CBY2: variants seen among roughly 807,000 people sequenced by gnomAD.
The protein encoded by CBY2 is protein chibby homolog 2.
In CBY2, 23 loss-of-function variants were observed where a neutral mutation model predicts 25.3. The ratio of observed to expected loss-of-function variants is 0.91; its 90% CI spans 0.65 to 1.29. CBY2 has a LOEUF of 1.29. CBY2 is among the 50% of genes most tolerant of loss of function. CBY2 has a pLI of 0.00. For synonymous variants in CBY2, 279 were observed against 260.2 expected (o/e 1.07, Z -0.70); for missense variants, 642 against 590.7 (o/e 1.09, Z -0.90).
At chr13:45,703,023 T>C (rs1240466265) in intron 2 of CBY2, 168 bp downstream of exon 2, 49 of 1,178,312 alleles carry the variant, frequency 4.2e-5, no homozygotes, top group Non-Finnish European at 4.6e-5. Flanking sequence ...GAAGGCCACA[T>C]AGCCCCTCTG....
intron 2 of CBY2, among the ~76,000 whole-genome samples, chr13:45,711,010 C>T (rs1393720761): frequency 1.3e-5 from 2 of 152,034 alleles, no homozygotes; most frequent in Admixed American, 6.5e-5. Flanking sequence ...TCTATCTGTA[C>T]GGTTGTGAAA....
At position 45,704,106 on chromosome 13, in the gene CBY2, G is replaced by A. The variant is rs1351146999; in HGVS notation, c.156+1251G>A. On this transcript the variant is annotated intron_variant, in intron 2 of 2. Coordinates refer to ENST00000310521, the MANE Select transcript of CBY2 (RefSeq NM_152719.3). The surrounding 1 kb of genome is among the most constrained non-coding windows in gnomAD (Gnocchi z 4.1). ...TGTTTAAGAAACTTGGTCAGGCAGA[G>A]GATGCCAACCTAGGGGTGGGTGTGA... Among the ~76,000 whole-genome samples, 1 of 152,162 alleles carries A rather than the reference G, an allele frequency of 6.6e-6. No individual in the cohort carries two copies. The highest frequency in any genetic ancestry group is 1.5e-5 in the Non-Finnish European group (1 of 68,026).
chr13:45,702,585 T>G, intron 1 of CBY2, 120 bp downstream of exon 1: 1 of 961,532 alleles, frequency 1.0e-6, no homozygotes, highest in Non-Finnish European at 1.7e-6. Flanking sequence ...GCTTAATATC[T>G]GTTCAGAGAT....
At chr13:45,711,786 G>A (rs75580578) in intron 2 of CBY2, among the ~76,000 whole-genome samples, 3,225 of 152,246 alleles carry the variant, frequency 0.021, 71 homozygotes, top group Middle Eastern at 0.078. Flanking sequence ...TCTGAGCCCC[G>A]TTTTATGCTG....
chr13:45,702,621 T>A, intron 1 of CBY2, 154 bp from the exon 2 acceptor site: 1 of 849,956 alleles, frequency 1.2e-6, no homozygotes, highest in Non-Finnish European at 1.9e-6. Context: ...CCAGATATCA[T>A]CTACACGTTC....
intron 2 of CBY2, among the ~76,000 whole-genome samples, chr13:45,712,536 C>T (rs749965214): frequency 3.3e-5 from 5 of 152,178 alleles, no homozygotes; most frequent in African/African-American, 1.2e-4. Context: ...CAGACATGCA[C>T]GGAGAGGTGA....
At chr13:45,707,046 C>G (rs747274921) in intron 2 of CBY2, among the ~76,000 whole-genome samples, 10 of 152,126 alleles carry the variant, frequency 6.6e-5, no homozygotes, top group Non-Finnish European at 7.4e-5. Context: ...CTGGCAACCC[C>G]AGGAAGTAGG....
rs1950231349 is a variant in CBY2 at position 45,704,857 on chromosome 13, C to T, written c.156+2002C>T. Among the ~76,000 whole-genome samples the T allele has an allele frequency of 6.6e-6, 1 of 152,234 alleles. No individual in the cohort carries two copies. Among genetic ancestry groups the T allele is most frequent in the Admixed American group, 6.5e-5 (1 of 15,286 alleles). ...AGCTGGGCCATGCTGCATCTTAGCTCCATGGTTCTTCTCTTGCTTTTTGGA... is the reference window on the plus strand; with the variant it reads ...AGCTGGGCCATGCTGCATCTTAGCTTCATGGTTCTTCTCTTGCTTTTTGGA... On this transcript the variant is annotated intron_variant, in intron 2 of 2. Coordinates refer to ENST00000310521, the MANE Select transcript of CBY2 (RefSeq NM_152719.3). The surrounding 1 kb of genome is among the most constrained non-coding windows in gnomAD (Gnocchi z 4.1).
At chr13:45,706,063 C>A (rs997869223) in intron 2 of CBY2, among the ~76,000 whole-genome samples, 1 of 152,224 alleles carries the variant, frequency 6.6e-6, no homozygotes, top group Non-Finnish European at 1.5e-5. Flanking sequence ...AATTCTATCC[C>A]AGAAGGTCCC....
In CBY2 at chr13:45,714,397, C is replaced by T. The variant is rs745432019; in HGVS notation, c.*25C>T. Reference sequence around the variant, plus strand: ...AGGCCTCGGCCTTGCACCGGGACGCCGAGTTTGGGACACCGAACACTGGGC... The same window carrying T: ...AGGCCTCGGCCTTGCACCGGGACGCTGAGTTTGGGACACCGAACACTGGGC... On this transcript the variant is annotated 3_prime_UTR_variant, in exon 3 of 3. Coordinates refer to ENST00000310521, the MANE Select transcript of CBY2 (RefSeq NM_152719.3). 11 of 1,535,680 alleles carry T rather than the reference C, an allele frequency of 7.2e-6. No homozygotes were observed. The highest frequency in any genetic ancestry group is 1.4e-5 in the African/African-American group (1 of 73,090).
chr13:45,710,886 T>A (rs920853124), intron 2 of CBY2, among the ~76,000 whole-genome samples: 2 of 152,254 alleles, frequency 1.3e-5, no homozygotes, highest in Non-Finnish European at 2.9e-5. Context: ...TCTAGCTCTT[T>A]AAGTTTTAAA....
intron 2 of CBY2, among the ~76,000 whole-genome samples, chr13:45,707,917 G>C (rs959128271): frequency 2.0e-5 from 3 of 152,166 alleles, no homozygotes; most frequent in African/African-American, 7.2e-5. Context: ...TAGTCACTCA[G>C]TGTTATTTTT....
At chr13:45,712,579 CAA>C (rs1322022537) in intron 2 of CBY2, among the ~76,000 whole-genome samples, 2 of 152,134 alleles carry the variant, frequency 1.3e-5, no homozygotes, top group Admixed American at 1.3e-4. Context: ...AGTCCCCAGC[CAA>C]GGAGCCTTCT....
At position 45,704,996 on chromosome 13, in the gene CBY2, A is replaced by G. The variant is rs1950232158; in HGVS notation, c.156+2141A>G. Among the ~76,000 whole-genome samples, 1 of 152,164 alleles carries G rather than the reference A, an allele frequency of 6.6e-6. No homozygotes were observed. Among genetic ancestry groups the G allele is most frequent in the Admixed American group, 6.5e-5 (1 of 15,286 alleles). On this transcript the variant is annotated intron_variant, in intron 2 of 2. Transcript: ENST00000310521. This position sits in a 1 kb window ranked among gnomAD's most constrained non-coding sequence, Gnocchi z 4.1. ...CCACTTTCCATTTGTTTCAGAAAGGACTTGTGGCAGCAGCTCTGTCTCCAG... is the reference window on the plus strand; with the variant it reads ...CCACTTTCCATTTGTTTCAGAAAGGGCTTGTGGCAGCAGCTCTGTCTCCAG...
In CBY2 at chr13:45,713,213, A is replaced by C; in HGVS notation, c.188A>C (p.His63Pro). Residue 63 changes from histidine (H) to proline (P), a missense_variant, in exon 3 of 3, where the codon CAC becomes CCC. Coordinates refer to ENST00000310521, the MANE Select transcript of CBY2 (RefSeq NM_152719.3). This position sits in a 1 kb window ranked among gnomAD's most constrained non-coding sequence, Gnocchi z 5.0. ...ACAGCCGAACCCTTCCCGAGGCTCC[A>C]CAACTTGTACAGCACCCCTCGCTGC... Reference protein sequence around the residue: ...RGTAEPFPRLHNLYSTPRCAQ... With the variant: ...RGTAEPFPRLPNLYSTPRCAQ... 1 of 1,613,132 alleles carries C rather than the reference A, an allele frequency of 6.2e-7. No individual in the cohort carries two copies. Among genetic ancestry groups the C allele is most frequent in the Non-Finnish European group, 8.5e-7 (1 of 1,179,626 alleles).
intron 2 of CBY2, among the ~76,000 whole-genome samples, chr13:45,703,782 G>C (rs966592341): frequency 1.3e-5 from 2 of 152,148 alleles, no homozygotes; most frequent in African/African-American, 2.4e-5. Context: ...TCACTTTTCT[G>C]TTACTTTTAG....
chr13:45,713,955 G>A lies in CBY2; in HGVS notation c.930G>A (p.Glu310=), dbSNP rs775866175. The A allele has an allele frequency of 2.6e-6, 4 of 1,524,736 alleles. No individual in the cohort carries two copies. In the South Asian group the frequency reaches 3.6e-5, roughly 14 times the overall value. 94.5% of individuals were successfully genotyped at this position (1,524,736 alleles called of 1,614,324 possible). Reference sequence around the variant, plus strand: ...CCGGCCTCTCCTCCCGCTTCGAGGAGCCCAAAGGGCCTCCGGCCCGGCAGG... The same window carrying A: ...CCGGCCTCTCCTCCCGCTTCGAGGAACCCAAAGGGCCTCCGGCCCGGCAGG... ...QGSGLSSRFE[E]PKGPPARQED... Residue 310 remains glutamate, a synonymous_variant, in exon 3 of 3, where the codon GAG becomes GAA. Transcript: ENST00000310521. This position sits in a 1 kb window ranked among gnomAD's most constrained non-coding sequence, Gnocchi z 5.0.
Position 45,713,711 on chromosome 13 carries a change from TGAA to T in CBY2, c.691_693del (p.Lys231del), listed in dbSNP as rs770037200. Reference sequence around the variant, plus strand: ...AAAGACAGCGCGTCCCTGGAGGTGGTGAAGAAGGACCACGTCGCCCTGCAGGTG... The same window carrying T: ...AAAGACAGCGCGTCCCTGGAGGTGGTGAAGGACCACGTCGCCCTGCAGGTG... On this transcript the variant is annotated inframe_deletion, in exon 3 of 3. Coordinates refer to ENST00000310521, the MANE Select transcript of CBY2 (RefSeq NM_152719.3). This position sits in a 1 kb window ranked among gnomAD's most constrained non-coding sequence, Gnocchi z 5.0. The T allele has an allele frequency of 2.5e-6, 4 of 1,611,666 alleles. No individual in the cohort carries two copies. Among genetic ancestry groups the T allele is most frequent in the Non-Finnish European group, 3.4e-6 (4 of 1,179,790 alleles).
chr13:45,702,644 A>T (rs1169723366), intron 1 of CBY2, 131 bp from the exon 2 acceptor site: 1 of 904,698 alleles, frequency 1.1e-6, no homozygotes, highest in Non-Finnish European at 1.8e-6. Context: ...TCAGACTCAG[A>T]CTTTCATAAT....
Sources: allele counts gnomAD v4.1 joint callset (sites outside exome capture counted in the v4.1 genomes callset), GRCh38; gene constraint gnomAD v4.1.1; non-coding constraint Gnocchi (gnomAD v3.1); transcripts MANE v1.5; gene names NCBI Gene and HGNC (gene_info 2026-07-23, HGNC 2026-07-21).